Variants in RLIM observed in about 807,000 individuals in gnomAD.
RLIM encodes the protein E3 ubiquitin-protein ligase RLIM.
A neutral mutation model predicts 34.0 loss-of-function variants in RLIM; 2 were observed. The observed-to-expected ratio is 0.06, with a 90% CI of 0.02 to 0.19. The LOEUF is 0.19. RLIM is among the 10% of genes least tolerant of loss of function. The pLI is 1.00. For synonymous variants in RLIM, 169 were observed against 164.0 expected (o/e 1.03, Z -0.23); for missense variants, 286 against 479.7 (o/e 0.60, Z 3.77).
chrX:74,599,195 C>T (rs1400893488), intron 1 of RLIM, among the ~76,000 whole-genome samples: 1 of 111,931 alleles, frequency 8.9e-6, no homozygotes, highest in African/African-American at 3.3e-5. Flanking sequence ...GATGCCAACT[C>T]CTGTTCTAGG....
chrX:74,597,175 C>T (rs1312053326), intron 1 of RLIM, among the ~76,000 whole-genome samples: 3 of 111,541 alleles, frequency 2.7e-5, no homozygotes, highest in Admixed American at 9.5e-5. Context: ...ATTGGCTAAA[C>T]GAGGAAAGCT....
rs1370582495 is a variant in RLIM, at chrX:74,584,294, G to GT, written c.*7145dup. Among the ~76,000 whole-genome samples, 2 of 111,564 alleles carry GT rather than the reference G, an allele frequency of 1.8e-5. No individual in the cohort carries two copies. The highest frequency in any genetic ancestry group is 3.8e-5 in the Non-Finnish European group (2 of 53,142). On this transcript the variant is annotated 3_prime_UTR_variant, in exon 4 of 4. Coordinates refer to ENST00000332687, the MANE Select transcript of RLIM (RefSeq NM_016120.4). ...GACCTGGGCAAATTACCAAACATCTGTATCTCAGCTGCATTACCTATAAAA... is the reference window on the plus strand; with the variant it reads ...GACCTGGGCAAATTACCAAACATCTGTTATCTCAGCTGCATTACCTATAAAA...
At chrX:74,599,739 T>C in intron 1 of RLIM, among the ~76,000 whole-genome samples, 1 of 111,633 alleles carries the variant, frequency 9.0e-6, no homozygotes, top group Middle Eastern at 4.6e-3. Context: ...GATATGTTTT[T>C]GTTGTTTATA....
At chrX:74,614,185 G>A (rs1409456742) in intron 1 of RLIM, among the ~76,000 whole-genome samples, 1 of 109,934 alleles carries the variant, frequency 9.1e-6, no homozygotes, top group Non-Finnish European at 1.9e-5. Context: ...CCGAGAGGAA[G>A]TACTACCCAC....
intron 1 of RLIM, among the ~76,000 whole-genome samples, chrX:74,611,319 T>C (rs2079709831): frequency 8.9e-6 from 1 of 112,337 alleles, no homozygotes; most frequent in South Asian, 3.6e-4. Flanking sequence ...ACATATAATA[T>C]AATTCCATAA....
chrX:74,584,945 CAGAT>C lies in RLIM; in HGVS notation c.*6491_*6494del, dbSNP rs1451917904. Among the ~76,000 whole-genome samples, 1 of 112,084 alleles carries C rather than the reference CAGAT, an allele frequency of 8.9e-6. No individual in the cohort carries two copies. The highest frequency in any genetic ancestry group is 3.2e-5 in the African/African-American group (1 of 30,817). The stretch of plus-strand genomic sequence containing the variant: ...AGAAACCGAGTTATGATGCCAATGA[CAGAT>C]AGCTCTGCAGGCACCAGAGGAAATG... On this transcript the variant is annotated 3_prime_UTR_variant, in exon 4 of 4. Transcript: ENST00000332687.
At chrX:74,603,552 G>A (rs2079669944) in intron 1 of RLIM, among the ~76,000 whole-genome samples, 1 of 111,540 alleles carries the variant, frequency 9.0e-6, no homozygotes, top group African/African-American at 3.3e-5. Flanking sequence ...GAACAAACCA[G>A]AATTACAGTC....
Position 74,592,504 on chromosome X carries a change from A to G in RLIM, c.811T>C (p.Leu271=), listed in dbSNP as rs750836381. 28 of 1,210,231 alleles carry G rather than the reference A, an allele frequency of 2.3e-5. No individual in the cohort carries two copies. Among genetic ancestry groups the G allele is most frequent in the Non-Finnish European group, 2.9e-5 (26 of 895,288 alleles). Residue 271 remains leucine, a synonymous_variant, in exon 4 of 4, where the codon TTG becomes CTG. Coordinates refer to ENST00000332687, the MANE Select transcript of RLIM (RefSeq NM_016120.4). ...TCAGGCCCAGATATTTGCTGCCTCA[A>G]TGTCACATGGTGCCGGGTTCTAGAA... ...GSSRTRHHVT[L]RQQISGPELL... is the part of the protein sequence containing the mutation.
At chrX:74,606,857 C>T (rs1446490563) in intron 1 of RLIM, among the ~76,000 whole-genome samples, 1 of 111,503 alleles carries the variant, frequency 9.0e-6, no homozygotes, top group Non-Finnish European at 1.9e-5. Flanking sequence ...TGGTGCTGGC[C>T]GAGTGTGGTG....
At chrX:74,598,030 T>C (rs770682260) in intron 1 of RLIM, among the ~76,000 whole-genome samples, 22 of 112,224 alleles carry the variant, frequency 2.0e-4, no homozygotes, top group African/African-American at 7.1e-4. Context: ...AATACTTATA[T>C]ATGAAACTTA....
intron 1 of RLIM, among the ~76,000 whole-genome samples, chrX:74,607,087 A>G (rs1467468457): frequency 9.3e-6 from 1 of 108,105 alleles, no homozygotes; most frequent in Non-Finnish European, 1.9e-5. Flanking sequence ...GGTTGCAGTG[A>G]ACTCAGATCA....
rs186217955 is a variant in RLIM at position 74,592,798 on chromosome X, G to C, written c.517C>G (p.Gln173Glu). ...GATCGTGGGTTTTCCACTTGCCTTT[G>C]GCTGTTGTTTTCCACATTTTCTCCA... The part of the protein sequence containing the change: ...SSGENVENNS[Q>E]RQVENPRSES... Residue 173 changes from glutamine to glutamate, a missense_variant, in exon 4 of 4, where the codon CAA becomes GAA. Gln to Glu is a conservative substitution (Grantham distance 29). This residue lies in a region of RLIM where 121 missense variants were observed against 182.4 expected (regional missense o/e 0.66). Transcript: ENST00000332687. 1.0e-4 allele frequency: 125 copies of C among 1,209,315 alleles called. 1 individual carries two copies. The East Asian group carries it at 1.8e-3, about 17-fold the overall frequency.
In RLIM at chrX:74,595,922, C is replaced by A. The variant is rs774855074; in HGVS notation, c.56G>T (p.Arg19Leu). Residue 19 changes from arginine to leucine, a missense_variant, in exon 2 of 4, where the codon CGC becomes CTC. By Grantham distance (102) the Arg-to-Leu change is moderately radical (BLOSUM62 -2). Transcript: ENST00000332687. ...ATCCAATCGGTCCATCTGACTTCTG[C>A]GCTGTGCTGCAGACTGATCACCACT... ...KGSGDQSAAQRRSQMDRLDRE... is the reference protein window; with the variant it reads ...KGSGDQSAAQLRSQMDRLDRE... The A allele has an allele frequency of 2.5e-6, 3 of 1,207,344 alleles. No individual in the cohort carries two copies. The highest frequency in any genetic ancestry group is 3.4e-6 in the Non-Finnish European group (3 of 892,547).
rs1373594598 is a variant in RLIM, at chrX:74,586,876, C to A, written c.*4564G>T. 1 of 111,835 alleles carries A rather than the reference C, an allele frequency of 8.9e-6. No individual in the cohort carries two copies. Among genetic ancestry groups the A allele is most frequent in the East Asian group, 2.8e-4 (1 of 3,574 alleles). The allele number at this position is 111,835 out of a possible 1,213,427, so 9.2% of individuals were successfully genotyped here. On this transcript the variant is annotated 3_prime_UTR_variant, in exon 4 of 4. Coordinates refer to ENST00000332687, the MANE Select transcript of RLIM (RefSeq NM_016120.4). Reference sequence around the variant, plus strand: ...TGGGAGAATGAGGCAGGCAAATTGCCTGAGCCCAGGAGTTCAAGAACAGCC... The same window carrying A: ...TGGGAGAATGAGGCAGGCAAATTGCATGAGCCCAGGAGTTCAAGAACAGCC...
intron 1 of RLIM, among the ~76,000 whole-genome samples, chrX:74,602,168 G>T (rs1437423112): frequency 1.8e-5 from 2 of 111,444 alleles, no homozygotes; most frequent in African/African-American, 6.5e-5. Flanking sequence ...TCCTAGGATG[G>T]GCTGAAATAA....
Position 74,612,337 on chromosome X carries a change from T to C in RLIM, c.-24+2085A>G, listed in dbSNP as rs145428198. On this transcript the variant is annotated intron_variant, in intron 1 of 3. Coordinates refer to ENST00000332687, the MANE Select transcript of RLIM (RefSeq NM_016120.4). ...TTGTTCTATACAGGTATTGGTAAAC[T>C]TCAGACATTATTTTAAAGAGTCAAA... Among the ~76,000 whole-genome samples the C allele has an allele frequency of 9.6e-3, 1,073 of 111,885 alleles. 6 individuals carry two copies. The highest frequency in any genetic ancestry group is 0.015 in the Non-Finnish European group (778 of 53,161).
At position 74,588,963 on chromosome X, in the gene RLIM, T is replaced by C. The variant is rs191564368; in HGVS notation, c.*2477A>G. On this transcript the variant is annotated 3_prime_UTR_variant, in exon 4 of 4. Coordinates refer to ENST00000332687, the MANE Select transcript of RLIM (RefSeq NM_016120.4). ...CTTGTATTCATTCTATACAATCGAA[T>C]GGAAATCCGTGAGTGCTACTGAAAA... 1 of 112,163 alleles carries C rather than the reference T, an allele frequency of 8.9e-6. No individual in the cohort carries two copies. Among genetic ancestry groups the C allele is most frequent in the African/African-American group, 3.2e-5 (1 of 30,910 alleles). 9.2% of individuals were successfully genotyped at this position (112,163 alleles called of 1,213,427 possible). A position where few individuals can be genotyped will look rare whatever the true frequency, so the allele number is the denominator to read the frequency against.
At position 74,591,987 on chromosome X, in the gene RLIM, C is replaced by T. The variant is rs776284681; in HGVS notation, c.1328G>A (p.Arg443Gln). The T allele has an allele frequency of 9.9e-6, 12 of 1,209,772 alleles. No individual in the cohort carries two copies. Among genetic ancestry groups the T allele is most frequent in the East Asian group, 5.9e-5 (2 of 33,752 alleles). Residue 443 changes from arginine to glutamine, a missense_variant, in exon 4 of 4, where the codon CGG becomes CAG. This residue lies in a region of RLIM where 69 missense variants were observed against 83.5 expected (regional missense o/e 0.83). Transcript: ENST00000332687. ...ACCACCAGAACCTCCTCTTCCACTC[C>T]GTGACTCTGCCCTTTCCATATTTCG... is the stretch of plus-strand genomic sequence containing the variant. ...SNRNMERAES[R>Q]SGRGGSGGGS...
rs1222530363 is a variant in RLIM at position 74,588,959 on chromosome X, C to G, written c.*2481G>C. ...AACACTTGTATTCATTCTATACAAT[C>G]GAATGGAAATCCGTGAGTGCTACTG... On this transcript the variant is annotated 3_prime_UTR_variant, in exon 4 of 4. Coordinates refer to ENST00000332687, the MANE Select transcript of RLIM (RefSeq NM_016120.4). 4 of 112,011 alleles carry G rather than the reference C, an allele frequency of 3.6e-5. No homozygotes were observed. The highest frequency in any genetic ancestry group is 7.5e-5 in the Non-Finnish European group (4 of 53,206). 9.2% of individuals were successfully genotyped at this position (112,011 alleles called of 1,213,427 possible). A position where few individuals can be genotyped will look rare whatever the true frequency, so the allele number is the denominator to read the frequency against.
Sources: gnomAD v4.1 joint callset for allele counts (sites outside exome capture counted in the v4.1 genomes callset) on GRCh38, gnomAD v4.1.1 for gene constraint, gnomAD v4.1.1 regional missense constraint, MANE v1.5 for transcripts, NCBI Gene and HGNC (gene_info 2026-07-23, HGNC 2026-07-21) for gene names.